Variants in SEMA4D observed in about 807,000 individuals in gnomAD.
SEMA4D encodes the protein semaphorin 4D, also known as semaphorin-4D.
SEMA4D carries 22 observed loss-of-function variants against 74.8 expected under a neutral mutation model. The ratio of observed to expected loss-of-function variants is 0.29; its 90% confidence interval spans 0.21 to 0.42. The LOEUF is 0.42. Among genes scored for constraint, SEMA4D ranks in the 10% least tolerant of loss-of-function variants. SEMA4D has a pLI of 1.00. For missense variants in SEMA4D, 937 were observed against 1,118.4 expected (o/e 0.84, Z 2.31); for synonymous variants, 445 against 463.7 (o/e 0.96, Z 0.52).
At chr9:89,419,818 G>A (rs546070473) in intron 2 of SEMA4D, among the ~76,000 whole-genome samples, 34 of 152,266 alleles carry the variant, frequency 2.2e-4, no homozygotes, top group African/African-American at 7.9e-4. Flanking sequence ...TTGGGAGGCT[G>A]AGGCAGGAGA....
At chr9:89,386,818 T>C in intron 12 of SEMA4D, 1 of 289,166 alleles carries the variant, frequency 3.5e-6, no homozygotes, top group Non-Finnish European at 6.7e-6. Flanking sequence ...CCTCGGGGTG[T>C]CACTGGTAAG....
chr9:89,492,504 T>C lies in SEMA4D; in HGVS notation c.-310+5415A>G, dbSNP rs1049765116. 2.0e-5 allele frequency among the ~76,000 whole-genome samples: 3 copies of C among 152,072 alleles called. No homozygotes were observed. The highest frequency in any genetic ancestry group is 1.3e-4 in the Admixed American group (2 of 15,266). On this transcript the variant is annotated intron_variant, in intron 1 of 15. Transcript: ENST00000422704. The surrounding 1 kb of genome is among the most constrained non-coding windows in gnomAD (Gnocchi z 4.3). ...CTCCCCCAAACTCCAGATCCCTTCC[T>C]CCAACTTCCTCCTCCCCACCTCCAC...
In SEMA4D at chr9:89,450,660, G is replaced by GGAAAAAAAAAAAAAAAAAA. The variant is rs1491451024; in HGVS notation, c.-244+5227_-244+5228insTTTTTTTTTTTTTTTTTTC. The GGAAAAAAAAAAAAAAAAAA allele has an allele frequency of 6.1e-4, 261 of 430,414 alleles. 34 individuals are homozygous for GGAAAAAAAAAAAAAAAAAA. The highest frequency in any genetic ancestry group is 7.3e-4 in the Middle Eastern group (1 of 1,362). The allele number at this position is 430,414 out of a possible 1,614,324, so 26.7% of individuals were successfully genotyped here. A position where few individuals can be genotyped will look rare whatever the true frequency, so the allele number is the denominator to read the frequency against. On this transcript the variant is annotated intron_variant, in intron 2 of 15. Coordinates refer to ENST00000422704, the MANE Select transcript of SEMA4D (RefSeq NM_001371194.2). Reference sequence around the variant, plus strand: ...GAGTTCTGCAAGTCGAAAAACCCAGGAAAAAAAAAAAAAAAAAAAAAAAAA... The same window carrying GGAAAAAAAAAAAAAAAAAA: ...GAGTTCTGCAAGTCGAAAAACCCAGGGAAAAAAAAAAAAAAAAAAAAAAAAAAAAAAAAAAAAAAAAAAA...
chr9:89,480,360 T>G (rs1158344654), intron 1 of SEMA4D, among the ~76,000 whole-genome samples: 1 of 152,268 alleles, frequency 6.6e-6, no homozygotes, highest in Non-Finnish European at 1.5e-5. Flanking sequence ...TTTCACCTAG[T>G]GGATCCCGCA....
At chr9:89,391,883 G>A (rs761934664) in intron 8 of SEMA4D, among the ~76,000 whole-genome samples, 1 of 152,230 alleles carries the variant, frequency 6.6e-6, no homozygotes, top group Non-Finnish European at 1.5e-5. Context: ...TCTGCCCTAA[G>A]GTCAAGAGGT....
chr9:89,393,548 G>C lies in SEMA4D; in HGVS notation c.508+14C>G, dbSNP rs1840296015. On this transcript the variant is annotated intron_variant, in intron 7 of 15. Coordinates refer to ENST00000422704, the MANE Select transcript of SEMA4D (RefSeq NM_001371194.2). The stretch of plus-strand genomic sequence containing the variant: ...TAATCTTCACGGTGAAGGAACTGGA[G>C]GGGCAGGACTCACCAACCATGACGG... 2 of 1,604,412 alleles carry C rather than the reference G, an allele frequency of 1.2e-6. No individual in the cohort carries two copies. The highest frequency in any genetic ancestry group is 2.7e-5 in the African/African-American group (2 of 74,862).
chr9:89,387,384 A>C lies in SEMA4D; in HGVS notation c.1330+2T>G. Reference sequence around the variant, plus strand: ...CAAGCCTGCCAAGCCCTCGGAACCCACCTGTGCTGACAAACATGACATCAT... The same window carrying C: ...CAAGCCTGCCAAGCCCTCGGAACCCCCCTGTGCTGACAAACATGACATCAT... On this transcript the variant is annotated splice_donor_variant, in intron 12 of 15. Transcript: ENST00000422704. LOFTEE classifies it high-confidence loss of function. 1 of 1,607,734 alleles carries C rather than the reference A, an allele frequency of 6.2e-7. No individual in the cohort carries two copies. Among genetic ancestry groups the C allele is most frequent in the Non-Finnish European group, 8.5e-7 (1 of 1,174,740 alleles).
chr9:89,461,847 C>T (rs575673217), intron 1 of SEMA4D, among the ~76,000 whole-genome samples: 163 of 151,862 alleles, frequency 1.1e-3, no homozygotes, highest in African/African-American at 3.6e-3. Context: ...GGATTACAGG[C>T]GTGCGCCACT....
intron 2 of SEMA4D, among the ~76,000 whole-genome samples, chr9:89,448,937 G>C (rs753201720): frequency 6.6e-6 from 1 of 152,196 alleles, no homozygotes; most frequent in Non-Finnish European, 1.5e-5. Context: ...CCTCCCACGG[G>C]AAGGCAGGAT....
intron 2 of SEMA4D, among the ~76,000 whole-genome samples, chr9:89,429,477 G>A (rs1848795744): frequency 6.6e-6 from 1 of 152,194 alleles, no homozygotes; most frequent in African/African-American, 2.4e-5. Flanking sequence ...GGGGTAGGGG[G>A]CAGTGTCTGA....
At position 89,387,375 on chromosome 9, in the gene SEMA4D, T is replaced by C. The variant is rs927779681; in HGVS notation, c.1330+11A>G. On this transcript the variant is annotated intron_variant, in intron 12 of 15. Transcript: ENST00000422704. ...TGTCACTGTCAAGCCTGCCAAGCCC[T>C]CGGAACCCACCTGTGCTGACAAACA... is the stretch of plus-strand genomic sequence containing the variant. 6.3e-7 allele frequency: 1 copy of C among 1,599,508 alleles called. No individual in the cohort carries two copies. The highest frequency in any genetic ancestry group is 1.3e-5 in the African/African-American group (1 of 74,588).
At position 89,386,433 on chromosome 9, in the gene SEMA4D, G is replaced by A. The variant is rs781668767; in HGVS notation, c.1380C>T (p.Ile460=). The A allele has an allele frequency of 3.1e-6, 5 of 1,614,126 alleles. No individual in the cohort carries two copies. The highest frequency in any genetic ancestry group is 3.4e-6 in the Non-Finnish European group (4 of 1,179,994). ...CCTGGAAGAGCTGGGTCTCCTCGAT[G>A]ATGTGAACAGCGTGCTCGAGGCTGA... ...KAISLEHAVH[I]IEETQLFQDF... Residue 460 remains isoleucine (I), a synonymous_variant, in exon 13 of 16, where the codon ATC becomes ATT. Coordinates refer to ENST00000422704, the MANE Select transcript of SEMA4D (RefSeq NM_001371194.2).
At chr9:89,468,669 T>C (rs752945945) in intron 1 of SEMA4D, among the ~76,000 whole-genome samples, 5 of 152,132 alleles carry the variant, frequency 3.3e-5, no homozygotes, top group Non-Finnish European at 5.9e-5. Context: ...TCAAACACCC[T>C]GGAAAAGTGG....
At chr9:89,392,295 C>T (rs1840028826) in intron 8 of SEMA4D, 128 bp downstream of exon 8, 1 of 574,714 alleles carries the variant, frequency 1.7e-6, no homozygotes, top group Non-Finnish European at 3.0e-6. Context: ...TGGGAAGTAT[C>T]CCCCACAAAC....
intron 2 of SEMA4D, among the ~76,000 whole-genome samples, chr9:89,434,165 G>C (rs191255788): frequency 6.6e-6 from 1 of 152,142 alleles, no homozygotes; most frequent in Non-Finnish European, 1.5e-5. Flanking sequence ...AGTAATGTGC[G>C]ACAAGGTCTA....
chr9:89,368,300 CCAT>C, intron 16 of SEMA4D: 1 of 152,358 alleles, frequency 6.6e-6, no homozygotes, highest in Non-Finnish European at 1.5e-5. Flanking sequence ...TGGCCGCTGG[CCAT>C]CATGTCTTCC....
At chr9:89,392,670 A>G (rs1840116351) in intron 7 of SEMA4D, 134 bp from the exon 8 acceptor site, 2 of 636,484 alleles carry the variant, frequency 3.1e-6, no homozygotes, top group African/African-American at 1.8e-5. Flanking sequence ...AGGGAAAGAC[A>G]GTCTCCTCAA....
chr9:89,442,768 G>A (rs1851946915), intron 2 of SEMA4D, among the ~76,000 whole-genome samples: 2 of 152,176 alleles, frequency 1.3e-5, no homozygotes, highest in African/African-American at 4.8e-5. Context: ...GCACCAGACA[G>A]TGTCTGGCAT....
intron 16 of SEMA4D, among the ~76,000 whole-genome samples, chr9:89,371,949 T>TCG (rs1194737237): frequency 8.4e-6 from 1 of 119,274 alleles, no homozygotes. Context: ...GTGGTGTGTG[T>TCG]GGGGTGTGGT....
Sources: gnomAD v4.1 joint callset for allele counts (sites outside exome capture counted in the v4.1 genomes callset) on GRCh38, gnomAD v4.1.1 for gene constraint, Gnocchi (gnomAD v3.1) non-coding constraint, MANE v1.5 for transcripts, NCBI Gene and HGNC (gene_info 2026-07-23, HGNC 2026-07-21) for gene names.